The following ADGRL2 variants were observed in gnomAD, a reference collection of about 807,000 sequenced individuals.
ADGRL2 encodes the protein adhesion G protein-coupled receptor L2, also known as calcium-independent alpha-latrotoxin receptor 2.
A neutral mutation model predicts 157.4 loss-of-function variants in ADGRL2; 44 were observed. The observed-to-expected ratio is 0.28, with a 90% CI of 0.22 to 0.36. The LOEUF (loss-of-function observed/expected upper bound fraction) is 0.36. Ranked by LOEUF, ADGRL2 falls within the 10% of genes least tolerant of loss-of-function variation. The probability of loss-of-function intolerance (pLI) is 1.00; values close to 1 mark genes in which losing one functional copy is unlikely to be tolerated. For missense variants in ADGRL2, 1,510 were observed against 1,768.9 expected (o/e 0.85, Z 2.63); for synonymous variants, 585 against 624.7 (o/e 0.94, Z 0.95).
At chr1:81,377,033 T>A (rs60219726) in intron 1 of ADGRL2, among the ~76,000 whole-genome samples, 88,216 of 151,322 alleles carry the variant, frequency 0.58, 26,451 homozygotes, top group East Asian at 0.92. Context: ...CCAAAAAAAA[T>A]TTTTTTTTAA....
chr1:81,939,861 T>C (rs1248302693), intron 4 of ADGRL2, among the ~76,000 whole-genome samples: 2 of 151,416 alleles, frequency 1.3e-5, no homozygotes, highest in Non-Finnish European at 3.0e-5. Context: ...GTAGGGACTT[T>C]TTTGTTGTAA....
chr1:81,704,492 G>T (rs893848715), intron 1 of ADGRL2, among the ~76,000 whole-genome samples: 2 of 152,088 alleles, frequency 1.3e-5, no homozygotes, highest in African/African-American at 2.4e-5. Context: ...TGGATGTCTG[G>T]GCCTTCAAGG....
chr1:81,471,090 T>C (rs1276535891), intron 2 of ADGRL2, among the ~76,000 whole-genome samples: 1 of 152,146 alleles, frequency 6.6e-6, no homozygotes, highest in Non-Finnish European at 1.5e-5. Flanking sequence ...CTAAATAAGG[T>C]AAGATCTGTT....
At chr1:81,712,919 GC>G (rs2083984569) in intron 1 of ADGRL2, among the ~76,000 whole-genome samples, 2 of 151,704 alleles carry the variant, frequency 1.3e-5, no homozygotes, top group South Asian at 4.2e-4. Context: ...GCACCACCAC[GC>G]CCAGCTAATT....
intron 2 of ADGRL2, among the ~76,000 whole-genome samples, chr1:81,853,405 C>T (rs972263008): frequency 2.6e-5 from 4 of 152,042 alleles, no homozygotes; most frequent in African/African-American, 4.8e-5. Context: ...CTGAAAACAC[C>T]TATATCCATC....
intron 1 of ADGRL2, among the ~76,000 whole-genome samples, chr1:81,820,655 C>A (rs764557774): frequency 1.3e-5 from 2 of 150,586 alleles, no homozygotes; most frequent in East Asian, 3.9e-4. Context: ...GATGATAAAT[C>A]AGTAGCAAGC....
At chr1:81,906,679 G>A (rs200117993) in intron 2 of ADGRL2, among the ~76,000 whole-genome samples, 6 of 151,656 alleles carry the variant, frequency 4.0e-5, no homozygotes, top group Admixed American at 3.9e-4. Flanking sequence ...TTCTTGATTA[G>A]TAGTTATATT....
chr1:81,459,977 G>A (rs576599769), intron 2 of ADGRL2, among the ~76,000 whole-genome samples: 218 of 152,018 alleles, frequency 1.4e-3, no homozygotes, highest in African/African-American at 5.0e-3. Flanking sequence ...GTTTGCAAGG[G>A]TTTCAATTTC....
At chr1:81,462,302 C>G (rs1033446131) in intron 2 of ADGRL2, among the ~76,000 whole-genome samples, 1 of 152,212 alleles carries the variant, frequency 6.6e-6, no homozygotes, top group Non-Finnish European at 1.5e-5. Flanking sequence ...CAGCAACCTG[C>G]TCTGCTGCCC....
At chr1:81,760,721 CTTT>C (rs10715240) in intron 1 of ADGRL2, among the ~76,000 whole-genome samples, 2 of 145,986 alleles carry the variant, frequency 1.4e-5, no homozygotes, top group Non-Finnish European at 3.0e-5. Flanking sequence ...CTTAAAAATA[CTTT>C]TTTTTTTTTT....
intron 23 of ADGRL2, chr1:81,989,595 G>A (rs1664157331): frequency 5.5e-6 from 8 of 1,445,802 alleles, no homozygotes; most frequent in South Asian, 1.2e-5. Flanking sequence ...CTAAGTTGCT[G>A]AGAAGCTTAG....
intron 1 of ADGRL2, among the ~76,000 whole-genome samples, chr1:81,719,545 CTT>C (rs1227334872): frequency 5.3e-5 from 8 of 152,136 alleles, no homozygotes; most frequent in African/African-American, 1.7e-4. Flanking sequence ...CATGTCAAAT[CTT>C]AAGTTACTTA....
At chr1:81,307,031 A>G (rs973879748) in intron 1 of ADGRL2, among the ~76,000 whole-genome samples, 1 of 152,228 alleles carries the variant, frequency 6.6e-6, no homozygotes, top group African/African-American at 2.4e-5. Context: ...GGCCTGTCAG[A>G]TAGATTTATT....
intron 6 of ADGRL2, among the ~76,000 whole-genome samples, chr1:81,948,924 T>TC (rs1557977199): frequency 6.6e-6 from 1 of 152,208 alleles, no homozygotes; most frequent in Non-Finnish European, 1.5e-5. Context: ...CACTACTTTT[T>TC]CGTAGTTTAC....
intron 3 of ADGRL2, among the ~76,000 whole-genome samples, chr1:81,672,670 A>G (rs1254071150): frequency 6.6e-6 from 1 of 152,208 alleles, no homozygotes; most frequent in Non-Finnish European, 1.5e-5. Context: ...GACTTGTGGG[A>G]AATGACAATT....
chr1:81,980,085 C>T (rs1661236904), intron 18 of ADGRL2, 125 bp downstream of exon 18: 4 of 600,114 alleles, frequency 6.7e-6, no homozygotes, highest in Non-Finnish European at 1.2e-5. Flanking sequence ...TTTTACTGCC[C>T]TCAAGTTGAA....
intron 2 of ADGRL2, among the ~76,000 whole-genome samples, chr1:81,850,493 C>T (rs1014896633): frequency 1.3e-5 from 2 of 151,836 alleles, no homozygotes; most frequent in African/African-American, 4.8e-5. Flanking sequence ...GTTCACAGAC[C>T]TCACCTTTTT....
At chr1:81,714,525 C>G (rs2084043178) in intron 1 of ADGRL2, among the ~76,000 whole-genome samples, 2 of 152,094 alleles carry the variant, frequency 1.3e-5, no homozygotes, top group African/African-American at 4.8e-5. Context: ...TAATTTTTAC[C>G]TAGCAATTTA....
chr1:81,699,410 C>A (rs1042291774), upstream of ADGRL2, among the ~76,000 whole-genome samples: 1 of 152,146 alleles, frequency 6.6e-6, no homozygotes, highest in Admixed American at 6.5e-5. Context: ...ACTACAATGA[C>A]GGTGCTGCTT....
Sources: allele counts gnomAD v4.1 joint callset (sites outside exome capture counted in the v4.1 genomes callset), GRCh38; gene constraint gnomAD v4.1.1; transcripts MANE v1.5; gene names NCBI Gene and HGNC (gene_info 2026-07-23, HGNC 2026-07-21).